Variants in SIPA1L3 observed in about 807,000 individuals in gnomAD.
SIPA1L3 encodes the protein signal induced proliferation associated 1 like 3.
In SIPA1L3, 59 loss-of-function variants were observed where a neutral mutation model predicts 150.1. The ratio of observed to expected loss-of-function variants is 0.39; its 90% confidence interval spans 0.32 to 0.49. SIPA1L3 has a LOEUF of 0.49. Among genes scored for constraint, SIPA1L3 ranks in the 20% least tolerant of loss-of-function variants. The probability of loss-of-function intolerance (pLI) is 0.86; values close to 1 mark genes in which losing one functional copy is unlikely to be tolerated. For synonymous variants in SIPA1L3, 1,070 were observed against 1,077.6 expected, an observed-to-expected ratio of 0.99 and a Z score of 0.14; for missense variants, 2,211 against 2,489.5, an observed-to-expected ratio of 0.89 and a Z score of 2.38.
chr19:38,156,539 A>G (rs1010882642), intron 13 of SIPA1L3, among the ~76,000 whole-genome samples: 16 of 148,208 alleles, frequency 1.1e-4, no homozygotes, highest in African/African-American at 3.5e-4. Context: ...AGAAATCATC[A>G]TGAGGCTGGG....
chr19:38,085,020 C>A (rs1212909553), intron 3 of SIPA1L3, among the ~76,000 whole-genome samples: 3 of 152,170 alleles, frequency 2.0e-5, no homozygotes, highest in Non-Finnish European at 4.4e-5. Flanking sequence ...TCCCACAGGA[C>A]ACTGGAGCTC....
At chr19:38,101,356 G>A (rs572599272) in intron 6 of SIPA1L3, 130 bp downstream of exon 6, 2 of 591,932 alleles carry the variant, frequency 3.4e-6, no homozygotes, top group South Asian at 5.7e-5. Flanking sequence ...TCACTTGTAG[G>A]AGCACAAATA....
chr19:38,090,950 TC>T (rs1012838372), intron 4 of SIPA1L3, among the ~76,000 whole-genome samples: 4 of 152,130 alleles, frequency 2.6e-5, no homozygotes, highest in African/African-American at 4.8e-5. Flanking sequence ...AGCCTCTGTC[TC>T]CCCAGCCCTC....
chr19:38,029,208 T>C (rs990032915), intron 2 of SIPA1L3, 52 bp downstream of exon 2: 1 of 152,072 alleles, frequency 6.6e-6, no homozygotes, highest in Non-Finnish European at 1.5e-5. Context: ...CTCATACACA[T>C]ATTATTTTTT....
In SIPA1L3 at chr19:38,121,918, C is replaced by CA. The variant is rs908331845; in HGVS notation, c.2868+2047dup. Among the ~76,000 whole-genome samples, 143 of 140,120 alleles carry CA rather than the reference C, an allele frequency of 1.0e-3. 2 individuals carry two copies. The East Asian group carries it at 0.016, about 16-fold the overall frequency. 91.9% of individuals were successfully genotyped at this position (140,120 alleles called of 152,430 possible). On this transcript the variant is annotated intron_variant, in intron 9 of 21. Coordinates refer to ENST00000222345, the MANE Select transcript of SIPA1L3 (RefSeq NM_015073.3). ...TCGGCAACAGAGAAAGACCCGGACT[C>CA]AAAAAAAAAAATGAAAAAGTGGCCA...
intron 20 of SIPA1L3, among the ~76,000 whole-genome samples, chr19:38,202,864 A>G (rs1454474747): frequency 6.6e-6 from 1 of 152,114 alleles, no homozygotes; most frequent in East Asian, 1.9e-4. Context: ...ACGGGGACAG[A>G]TCTCTCACAT....
chr19:38,151,587 A>G (rs1971823183), intron 12 of SIPA1L3, among the ~76,000 whole-genome samples: 1 of 152,138 alleles, frequency 6.6e-6, no homozygotes, highest in South Asian at 2.1e-4. Context: ...GACAGGGAGA[A>G]GACCTTCTAC....
At chr19:37,988,535 A>G (rs833909) in intron 1 of SIPA1L3, among the ~76,000 whole-genome samples, 35,500 of 151,844 alleles carry the variant, frequency 0.23, 4,404 homozygotes, top group African/African-American at 0.31. Context: ...AATGAGCCAG[A>G]CATGGTGGTG....
At chr19:38,138,263 C>T (rs996233032) in intron 10 of SIPA1L3, among the ~76,000 whole-genome samples, 9 of 152,150 alleles carry the variant, frequency 5.9e-5, no homozygotes, top group African/African-American at 9.7e-5. Flanking sequence ...TTGGAGTCAA[C>T]GTGCTAAATA....
In SIPA1L3 at chr19:38,201,892, A is replaced by ACGAC; in HGVS notation, c.5017_5020dup (p.Pro1674ArgfsTer59). The ACGAC allele has an allele frequency of 6.2e-7, 1 of 1,613,060 alleles. No individual in the cohort carries two copies. Among genetic ancestry groups the ACGAC allele is most frequent in the Non-Finnish European group, 8.5e-7 (1 of 1,179,594 alleles). On this transcript the variant is annotated frameshift_variant, in exon 20 of 22. Coordinates refer to ENST00000222345, the MANE Select transcript of SIPA1L3 (RefSeq NM_015073.3). LOFTEE classifies it high-confidence loss of function. ...AGAGCCGTCTCACTCTTCTCTCTGA[A>ACGAC]CGACCCGGCCCTGAGCCCGGACATC... is the stretch of plus-strand genomic sequence containing the variant.
At chr19:38,197,282 C>T (rs1972981397) in intron 18 of SIPA1L3, among the ~76,000 whole-genome samples, 2 of 152,248 alleles carry the variant, frequency 1.3e-5, no homozygotes, top group South Asian at 2.1e-4. Context: ...CTCTCTGTAC[C>T]TGGCTGTCCT....
intron 1 of SIPA1L3, among the ~76,000 whole-genome samples, chr19:38,005,042 G>C (rs1193412074): frequency 1.3e-5 from 2 of 152,026 alleles, no homozygotes; most frequent in Non-Finnish European, 2.9e-5. Context: ...CGGACTAACC[G>C]GGGCCGAGGA....
intron 15 of SIPA1L3, among the ~76,000 whole-genome samples, chr19:38,172,596 G>C (rs911329281): frequency 2.0e-5 from 3 of 152,180 alleles, no homozygotes. Context: ...ACTAGACCCT[G>C]AGGGTGAACT....
intron 13 of SIPA1L3, among the ~76,000 whole-genome samples, chr19:38,155,191 C>T (rs185171719): frequency 4.6e-5 from 7 of 152,256 alleles, no homozygotes; most frequent in Admixed American, 4.6e-4. Context: ...TCATTCATTC[C>T]GGTGGGCAGG....
At chr19:38,198,239 C>G in intron 18 of SIPA1L3, 150 bp from the exon 19 acceptor site, 1 of 908,432 alleles carries the variant, frequency 1.1e-6, no homozygotes, top group Non-Finnish European at 1.6e-6. Flanking sequence ...AGTCAGGCCT[C>G]TGTAGGCTCC....
chr19:38,198,256 C>G lies in SIPA1L3; in HGVS notation c.4841-133C>G, dbSNP rs951837833. The G allele has an allele frequency of 4.6e-6, 5 of 1,096,340 alleles. No homozygotes were observed. In the African/African-American group the frequency reaches 8.1e-5, roughly 18 times the overall value. 67.9% of individuals were successfully genotyped at this position (1,096,340 alleles called of 1,614,324 possible). On this transcript the variant is annotated intron_variant, in intron 18 of 21. Transcript: ENST00000222345. ...TCAGGCCTCTGTAGGCTCCAGCACT[C>G]CCAGACCCCTTACCCTGCTGGAGGT...
intron 1 of SIPA1L3, among the ~76,000 whole-genome samples, chr19:38,000,912 C>CATATAACACACAT (rs1555775653): frequency 1.4e-5 from 2 of 138,056 alleles, no homozygotes; most frequent in East Asian, 4.3e-4. Flanking sequence ...ATATATATAA[C>CATATAACACACAT]ATATATATAA....
intron 10 of SIPA1L3, among the ~76,000 whole-genome samples, chr19:38,138,910 A>AAAAAAAACAAAACAAAAAC (rs1343348254): frequency 2.7e-5 from 3 of 112,786 alleles, no homozygotes; most frequent in African/African-American, 7.6e-5. Flanking sequence ...AAAAAAAAAA[A>AAAAAAAACAAAACAAAAAC]AAAAACTGAG....
At chr19:38,105,216 T>A (rs1398654934) in intron 6 of SIPA1L3, among the ~76,000 whole-genome samples, 2 of 151,824 alleles carry the variant, frequency 1.3e-5, no homozygotes, top group Non-Finnish European at 2.9e-5. Context: ...ATTACTAAAA[T>A]TATCCAGGCA....
Sources: allele counts gnomAD v4.1 joint callset (sites outside exome capture counted in the v4.1 genomes callset), GRCh38; gene constraint gnomAD v4.1.1; transcripts MANE v1.5; gene names NCBI Gene and HGNC (gene_info 2026-07-23, HGNC 2026-07-21).